Variants in JPH1 observed in about 807,000 individuals in gnomAD.
JPH1 encodes junctophilin 1, also known as junctophilin-1.
Under a neutral mutation model 53.6 loss-of-function variants are expected in JPH1, and 12 were observed. The ratio of observed to expected loss-of-function variants is 0.22; its 90% CI spans 0.14 to 0.36. JPH1 has a LOEUF of 0.36. Among genes scored for constraint, JPH1 ranks in the 10% least tolerant of loss-of-function variants. JPH1 has a pLI of 1.00. For missense variants in JPH1, 808 were observed against 905.5 expected, an observed-to-expected ratio of 0.89 and a Z score of 1.38; for synonymous variants, 375 against 363.8, an observed-to-expected ratio of 1.03 and a Z score of -0.35.
intron 2 of JPH1, among the ~76,000 whole-genome samples, chr8:74,298,069 G>C (rs891532461): frequency 1.3e-5 from 2 of 152,138 alleles, no homozygotes; most frequent in Non-Finnish European, 2.9e-5. Flanking sequence ...AATAATTGCT[G>C]TTATAAATGC....
chr8:74,280,727 A>G (rs1349342882), intron 2 of JPH1, among the ~76,000 whole-genome samples: 1 of 152,234 alleles, frequency 6.6e-6, no homozygotes, highest in Admixed American at 6.5e-5. Flanking sequence ...GTTCTCAAAA[A>G]TGTGGAAATT....
intron 4 of JPH1, among the ~76,000 whole-genome samples, chr8:74,241,493 G>A (rs1476667979): frequency 1.3e-5 from 2 of 151,982 alleles, no homozygotes; most frequent in African/African-American, 2.4e-5. Flanking sequence ...TTTTCCAGGT[G>A]GTAAGAAAAT....
At chr8:74,303,143 A>G (rs941735161) in intron 2 of JPH1, among the ~76,000 whole-genome samples, 3 of 152,164 alleles carry the variant, frequency 2.0e-5, no homozygotes, top group Non-Finnish European at 4.4e-5. Flanking sequence ...ACTTCTTAAA[A>G]AGAGCTGTGT....
chr8:74,297,639 G>T (rs1807558539), intron 2 of JPH1, among the ~76,000 whole-genome samples: 1 of 152,174 alleles, frequency 6.6e-6, no homozygotes, highest in South Asian at 2.1e-4. Flanking sequence ...CTGCTTAACT[G>T]GTAAGACAAA....
At chr8:74,292,705 GT>G (rs1157477339) in intron 2 of JPH1, among the ~76,000 whole-genome samples, 11 of 149,012 alleles carry the variant, frequency 7.4e-5, no homozygotes, top group African/African-American at 2.4e-4. Flanking sequence ...TAACTTTAAT[GT>G]TATTTTCTCA....
intron 3 of JPH1, among the ~76,000 whole-genome samples, chr8:74,252,332 T>C (rs1806090529): frequency 6.6e-6 from 1 of 152,146 alleles, no homozygotes; most frequent in Non-Finnish European, 1.5e-5. Flanking sequence ...GGGATCTATT[T>C]AAACTAAAGA....
intron 4 of JPH1, among the ~76,000 whole-genome samples, chr8:74,242,979 C>T (rs915437422): frequency 6.6e-6 from 1 of 152,056 alleles, no homozygotes; most frequent in African/African-American, 2.4e-5. Context: ...CTTTTTTTTC[C>T]CCCTATCACA....
intron 2 of JPH1, among the ~76,000 whole-genome samples, chr8:74,278,373 C>T (rs1428357093): frequency 1.3e-5 from 2 of 152,150 alleles, no homozygotes; most frequent in African/African-American, 4.8e-5. Context: ...TTCCCATAGC[C>T]AGGATTCACT....
At position 74,251,525 on chromosome 8, in the gene JPH1, C is replaced by A. The variant is rs1586735757; in HGVS notation, c.1259-6350G>T. 2.0e-5 allele frequency among the ~76,000 whole-genome samples: 3 copies of A among 152,276 alleles called. No homozygotes were observed. The Middle Eastern group carries it at 0.01, about 518-fold the overall frequency. On this transcript the variant is annotated intron_variant, in intron 3 of 5. Coordinates refer to ENST00000342232, the MANE Select transcript of JPH1 (RefSeq NM_020647.4). ...TATCTATATACACATTCACAAACAT[C>A]CATTTGTATGCTTTCGGTTTATTAG...
intron 2 of JPH1, among the ~76,000 whole-genome samples, chr8:74,265,227 T>C (rs538174101): frequency 1.6e-4 from 24 of 152,230 alleles, no homozygotes; most frequent in Admixed American, 7.2e-4. Flanking sequence ...AGGGGACATA[T>C]GTAATAATTT....
intron 2 of JPH1, among the ~76,000 whole-genome samples, chr8:74,291,086 C>G (rs1226631310): frequency 6.6e-6 from 1 of 152,072 alleles, no homozygotes; most frequent in Non-Finnish European, 1.5e-5. Flanking sequence ...GACTTCATGA[C>G]TAAAACACCA....
At chr8:74,251,490 T>C (rs950760003) in intron 3 of JPH1, among the ~76,000 whole-genome samples, 4 of 152,240 alleles carry the variant, frequency 2.6e-5, no homozygotes, top group Non-Finnish European at 4.4e-5. Context: ...TTTCTGTGCA[T>C]GTACACAGTT....
At chr8:74,302,959 G>GAAAAAAAAAA (rs34040034) in intron 2 of JPH1, among the ~76,000 whole-genome samples, 1 of 136,706 alleles carries the variant, frequency 7.3e-6, no homozygotes. Context: ...GCCAAGAAAA[G>GAAAAAAAAAA]AAAAAAAAAA....
chr8:74,257,861 T>C (rs1806282188), intron 3 of JPH1, among the ~76,000 whole-genome samples: 2 of 152,214 alleles, frequency 1.3e-5, no homozygotes, highest in Non-Finnish European at 2.9e-5. Flanking sequence ...TCTGTGATGA[T>C]GATATCTATC....
At position 74,265,741 on chromosome 8, in the gene JPH1, T is replaced by A. The variant is rs1806513825; in HGVS notation, c.1140-6238A>T. On this transcript the variant is annotated intron_variant, in intron 2 of 5. Coordinates refer to ENST00000342232, the MANE Select transcript of JPH1 (RefSeq NM_020647.4). ...ATGTATCTGATAAGGGGTTAGTATC[T>A]AGAATACATAAAGAACTCCCACACT... Among the ~76,000 whole-genome samples the A allele has an allele frequency of 2.0e-5, 3 of 152,262 alleles. No individual in the cohort carries two copies. The South Asian group carries it at 6.2e-4, about 32-fold the overall frequency.
At chr8:74,243,290 T>C (rs1418111139) in intron 4 of JPH1, among the ~76,000 whole-genome samples, 1 of 152,236 alleles carries the variant, frequency 6.6e-6, no homozygotes, top group African/African-American at 2.4e-5. Flanking sequence ...AATGAATGCT[T>C]ACTGAAGAGT....
At chr8:74,318,226 T>A (rs1808217014) in intron 1 of JPH1, among the ~76,000 whole-genome samples, 2 of 152,220 alleles carry the variant, frequency 1.3e-5, no homozygotes, top group African/African-American at 4.8e-5. Flanking sequence ...ATTTCACAAG[T>A]ATAAAAATTA....
chr8:74,274,672 A>G (rs1248421510), intron 2 of JPH1, among the ~76,000 whole-genome samples: 2 of 152,232 alleles, frequency 1.3e-5, no homozygotes, highest in Non-Finnish European at 2.9e-5. Context: ...AAAATTACAT[A>G]AAATGTACAA....
chr8:74,268,989 A>G (rs1289668135), intron 2 of JPH1, among the ~76,000 whole-genome samples: 1 of 152,114 alleles, frequency 6.6e-6, no homozygotes, highest in Non-Finnish European at 1.5e-5. Context: ...TTAAAAATTA[A>G]GCAAACACCA....
Sources: allele counts gnomAD v4.1 joint callset (sites outside exome capture counted in the v4.1 genomes callset), GRCh38; gene constraint gnomAD v4.1.1; transcripts MANE v1.5; gene names NCBI Gene and HGNC (gene_info 2026-07-23, HGNC 2026-07-21).